PAM: variants seen among roughly 807,000 people sequenced by gnomAD.
PAM encodes the protein peptidylglycine alpha-amidating monooxygenase, also known as peptidyl-glycine alpha-amidating monooxygenase.
Under a neutral mutation model 122.1 loss-of-function variants are expected in PAM, and 72 were observed. The observed-to-expected ratio is 0.59, with a 90% CI of 0.49 to 0.72. The LOEUF is 0.72. Ranked by LOEUF, PAM falls within the 30% of genes least tolerant of loss-of-function variation. The pLI is 0.00. For missense variants in PAM, 1,106 were observed against 1,183.7 expected, an observed-to-expected ratio of 0.93 and a Z score of 0.96; for synonymous variants, 389 against 404.4, an observed-to-expected ratio of 0.96 and a Z score of 0.46.
At chr5:102,806,852 C>T (rs934144492) in intron 1 of PAM, among the ~76,000 whole-genome samples, 2 of 152,118 alleles carry the variant, frequency 1.3e-5, no homozygotes, top group Non-Finnish European at 2.9e-5. Context: ...TTAAAATTTT[C>T]TACATATTCC....
At chr5:102,903,463 G>A (rs560846007) in intron 4 of PAM, among the ~76,000 whole-genome samples, 8 of 151,642 alleles carry the variant, frequency 5.3e-5, no homozygotes, top group South Asian at 2.1e-4. Context: ...TTCTTAGGAC[G>A]ATCCTGTATA....
chr5:102,766,504 A>T (rs961332502), intron 1 of PAM, among the ~76,000 whole-genome samples: 6 of 152,162 alleles, frequency 3.9e-5, no homozygotes, highest in African/African-American at 1.4e-4. Flanking sequence ...AATGTGAGCG[A>T]TGGGGAGTGG....
intron 1 of PAM, among the ~76,000 whole-genome samples, chr5:102,860,938 G>GCC (rs1784007338): frequency 6.6e-6 from 1 of 152,068 alleles, no homozygotes; most frequent in Admixed American, 6.6e-5. Flanking sequence ...TCAGTGGGTG[G>GCC]GGCTGACCTG....
chr5:102,942,736 A>T (rs142793980), intron 7 of PAM, among the ~76,000 whole-genome samples: 1 of 138,470 alleles, frequency 7.2e-6, no homozygotes, highest in Non-Finnish European at 1.5e-5. Flanking sequence ...TGCCCGGCTA[A>T]TTTTTTTTTT....
chr5:102,908,938 T>C (rs1800538444), intron 4 of PAM, among the ~76,000 whole-genome samples: 1 of 151,758 alleles, frequency 6.6e-6, no homozygotes, highest in African/African-American at 2.4e-5. Flanking sequence ...TTGGCTCAAC[T>C]GCAAGATTAT....
At chr5:102,836,889 A>AGAGG (rs1435385968) in intron 1 of PAM, among the ~76,000 whole-genome samples, 116 of 151,936 alleles carry the variant, frequency 7.6e-4, no homozygotes, top group Middle Eastern at 3.4e-3. Flanking sequence ...AGAGAGAGAG[A>AGAGG]GAGAGAGAGG....
chr5:102,824,191 C>T (rs566238564), intron 1 of PAM, among the ~76,000 whole-genome samples: 4 of 152,116 alleles, frequency 2.6e-5, no homozygotes, highest in East Asian at 1.9e-4. Context: ...CTGTTGAGTT[C>T]GAGACTATGT....
chr5:103,009,637 A>G (rs1338952963), intron 20 of PAM, 114 bp from the exon 21 acceptor site: 7 of 637,332 alleles, frequency 1.1e-5, no homozygotes, highest in Middle Eastern at 2.6e-4. Context: ...TTTGTTGCCA[A>G]TTGTAGGGAC....
At chr5:102,800,126 C>T (rs1764310597) in intron 1 of PAM, among the ~76,000 whole-genome samples, 3 of 152,316 alleles carry the variant, frequency 2.0e-5, no homozygotes, top group Middle Eastern at 6.8e-3. Context: ...ACTGGGCTTC[C>T]TTATGTTCCT....
intron 12 of PAM, among the ~76,000 whole-genome samples, chr5:102,956,683 T>C (rs1181084217): frequency 6.6e-6 from 1 of 152,090 alleles, no homozygotes; most frequent in African/African-American, 2.4e-5. Context: ...TTCTTCTCCA[T>C]AATTACGATC....
chr5:102,995,449 T>A (rs1272538237), intron 16 of PAM, among the ~76,000 whole-genome samples: 3 of 152,180 alleles, frequency 2.0e-5, no homozygotes, highest in African/African-American at 7.2e-5. Flanking sequence ...TCAATCCTAG[T>A]AAGAGAAAAT....
At chr5:102,927,878 C>G (rs1165163262) in intron 7 of PAM, among the ~76,000 whole-genome samples, 3 of 151,754 alleles carry the variant, frequency 2.0e-5, no homozygotes, top group African/African-American at 7.3e-5. Flanking sequence ...AATAACTTTT[C>G]ATTTTTTGGA....
At chr5:102,824,458 T>G (rs1007855448) in intron 1 of PAM, among the ~76,000 whole-genome samples, 2 of 152,226 alleles carry the variant, frequency 1.3e-5, no homozygotes, top group African/African-American at 4.8e-5. Flanking sequence ...CATTTTGTAT[T>G]TAAACTTCCT....
At chr5:102,916,874 A>C (rs1452318919) in intron 5 of PAM, among the ~76,000 whole-genome samples, 1 of 151,516 alleles carries the variant, frequency 6.6e-6, no homozygotes, top group Non-Finnish European at 1.5e-5. Flanking sequence ...TTGGGACTAC[A>C]GGCGCGTGCC....
intron 1 of PAM, among the ~76,000 whole-genome samples, chr5:102,813,918 G>A (rs922801975): frequency 2.0e-5 from 3 of 152,192 alleles, no homozygotes; most frequent in African/African-American, 7.2e-5. Context: ...GGTTTGCTAT[G>A]ACCAGTGCAC....
intron 14 of PAM, among the ~76,000 whole-genome samples, chr5:102,966,220 A>T (rs112780726): frequency 6.6e-6 from 1 of 152,072 alleles, no homozygotes; most frequent in Non-Finnish European, 1.5e-5. Flanking sequence ...TCATCTATCA[A>T]ACACAATTCT....
Position 102,857,327 on chromosome 5 carries a change from C to T in PAM, c.-373-8496C>T, listed in dbSNP as rs74684959. Reference sequence around the variant, plus strand: ...ATTGTTGCTGTGTGGAAATGTGAGTCCAGTGATGCCAGATTTTTATGGCTC... The same window carrying T: ...ATTGTTGCTGTGTGGAAATGTGAGTTCAGTGATGCCAGATTTTTATGGCTC... On this transcript the variant is annotated intron_variant, in intron 1 of 25. Coordinates refer to ENST00000438793, the MANE Select transcript of PAM (RefSeq NM_001177306.2). Among the ~76,000 whole-genome samples the T allele has an allele frequency of 4.3e-3, 647 of 152,124 alleles. 6 individuals are homozygous for T. The highest frequency in any genetic ancestry group is 0.014 in the African/African-American group (574 of 41,498).
rs147065045 is a variant in PAM, at chr5:102,779,918, T to TATATATATATATACAC, written c.-374+24571_-374+24572insTATATATATATACACA. On this transcript the variant is annotated intron_variant, in intron 1 of 25. Transcript: ENST00000438793. ...ATATATATATATATATATATATATA[T>TATATATATATATACAC]ACACACATATATATATGTATATATC... Among the ~76,000 whole-genome samples, 181 of 95,568 alleles carry TATATATATATATACAC rather than the reference T, an allele frequency of 1.9e-3. 2 individuals carry two copies. The highest frequency in any genetic ancestry group is 7.3e-3 in the African/African-American group (161 of 21,998). The allele number at this position is 95,568 out of a possible 152,430, so 62.7% of individuals were successfully genotyped here. A position where few individuals can be genotyped will look rare whatever the true frequency, so the allele number is the denominator to read the frequency against.
chr5:102,888,797 T>C (rs1052958348), intron 3 of PAM, among the ~76,000 whole-genome samples: 1 of 151,984 alleles, frequency 6.6e-6, no homozygotes, highest in African/African-American at 2.4e-5. Context: ...GTTTCCTTTT[T>C]TTTCTTTAAA....
Sources: allele counts gnomAD v4.1 joint callset (sites outside exome capture counted in the v4.1 genomes callset), GRCh38; gene constraint gnomAD v4.1.1; transcripts MANE v1.5; gene names NCBI Gene and HGNC (gene_info 2026-07-23, HGNC 2026-07-21).